Variants in MMS19 observed in about 807,000 individuals in gnomAD.
MMS19 encodes the protein MMS19 nucleotide excision repair protein homolog.
Under a neutral mutation model 129.8 loss-of-function variants are expected in MMS19, and 77 were observed. The observed-to-expected ratio is 0.59, with a 90% CI of 0.49 to 0.72. The LOEUF (loss-of-function observed/expected upper bound fraction) is 0.72, where lower values mean the gene tolerates loss of function less well. Ranked by LOEUF, MMS19 falls within the 30% of genes least tolerant of loss-of-function variation. The pLI is 0.00. For synonymous variants in MMS19, 491 were observed against 502.8 expected, an observed-to-expected ratio of 0.98 and a Z score of 0.31; for missense variants, 1,168 against 1,266.3, an observed-to-expected ratio of 0.92 and a Z score of 1.18.
intron 8 of MMS19, among the ~76,000 whole-genome samples, chr10:97,471,921 T>C (rs1373056870): frequency 6.6e-6 from 1 of 151,610 alleles, no homozygotes; most frequent in East Asian, 1.9e-4. Flanking sequence ...GGTCAGAAAA[T>C]CAGAGGTCCA....
chr10:97,484,940 G>A (rs1257765920), intron 1 of MMS19, among the ~76,000 whole-genome samples: 1 of 152,010 alleles, frequency 6.6e-6, no homozygotes, highest in Non-Finnish European at 1.5e-5. Context: ...CACTACCCCT[G>A]GCTAAGTATT....
intron 8 of MMS19, among the ~76,000 whole-genome samples, chr10:97,475,527 G>A (rs1055587267): frequency 3.3e-5 from 5 of 152,100 alleles, no homozygotes; most frequent in African/African-American, 1.2e-4. Context: ...ACGAAGTCAG[G>A]GGTTCAATAT....
At chr10:97,470,938 T>C in intron 8 of MMS19, 77 bp from the exon 9 acceptor site, 1 of 1,209,614 alleles carries the variant, frequency 8.3e-7, no homozygotes, top group Non-Finnish European at 1.2e-6. Flanking sequence ...CTGGTAACCC[T>C]GCAGAACAGG....
At chr10:97,462,492 AAGGAC>A (rs1443570946) in intron 20 of MMS19, 86 bp downstream of exon 20, 8 of 894,132 alleles carry the variant, frequency 8.9e-6, no homozygotes, top group Non-Finnish European at 1.5e-5. Context: ...ATATAGGTAA[AAGGAC>A]AGCTGACAAG....
intron 1 of MMS19, among the ~76,000 whole-genome samples, chr10:97,493,147 G>A (rs750735518): frequency 5.9e-5 from 9 of 151,946 alleles, no homozygotes; most frequent in Non-Finnish European, 1.0e-4. Context: ...AAGTGGCTGC[G>A]ACTACAGGCA....
chr10:97,486,862 C>CACATATATATATATATATATATAT (rs1491353044), intron 1 of MMS19, among the ~76,000 whole-genome samples: 1 of 85,080 alleles, frequency 1.2e-5, no homozygotes, highest in African/African-American at 4.1e-5. Context: ...ATTAAAGTGC[C>CACATATATATATATATATATATAT]ATATATATAT....
intron 1 of MMS19, among the ~76,000 whole-genome samples, chr10:97,493,302 T>G (rs1294301479): frequency 6.6e-6 from 1 of 152,144 alleles, no homozygotes; most frequent in African/African-American, 2.4e-5. Flanking sequence ...TGAACCACCA[T>G]GCCTAGCCCA....
In MMS19 at chr10:97,460,056, A is replaced by T; in HGVS notation, c.2646T>A (p.Ala882=). The change falls in exon 26 of 31, where the codon GCT becomes GCA. Residue 882 remains alanine (A), a synonymous_variant. Transcript: ENST00000438925. ...NVPALVQGFH[A]APQDVKPNYL... is the part of the protein sequence containing the mutation. ...TTTCAGACTCCTCACCTTGGGGAGCAGCATGGAAGCCCTGGACCAAAGCAG... is the reference window on the plus strand; with the variant it reads ...TTTCAGACTCCTCACCTTGGGGAGCTGCATGGAAGCCCTGGACCAAAGCAG... 1 of 1,613,682 alleles carries T rather than the reference A, an allele frequency of 6.2e-7. No homozygotes were observed. The highest frequency in any genetic ancestry group is 8.5e-7 in the Non-Finnish European group (1 of 1,179,614).
intron 1 of MMS19, among the ~76,000 whole-genome samples, chr10:97,491,491 C>T (rs2038879528): frequency 6.6e-6 from 1 of 151,820 alleles, no homozygotes; most frequent in African/African-American, 2.4e-5. Context: ...ATGGTGAAAC[C>T]CCATCTCTAC....
intron 8 of MMS19, among the ~76,000 whole-genome samples, chr10:97,475,178 T>C (rs1327055704): frequency 1.3e-5 from 2 of 151,884 alleles, no homozygotes; most frequent in South Asian, 2.1e-4. Flanking sequence ...CTCCAAGACA[T>C]AGTGTTCAGT....
chr10:97,460,857 C>T, intron 24 of MMS19, 50 bp downstream of exon 24: 1 of 1,535,424 alleles, frequency 6.5e-7, no homozygotes, highest in South Asian at 1.2e-5. Context: ...TTTTATTTAA[C>T]CAGACATAAT....
intron 1 of MMS19, among the ~76,000 whole-genome samples, chr10:97,494,870 T>C (rs553875480): frequency 9.9e-5 from 15 of 152,216 alleles, no homozygotes; most frequent in Non-Finnish European, 1.9e-4. Context: ...ACATTTCTCA[T>C]TGCATTCACT....
At position 97,460,982 on chromosome 10, in the gene MMS19, C is replaced by G. The variant is rs2031707395; in HGVS notation, c.2337G>C (p.Gln779His). Residue 779 changes from glutamine to histidine, a missense_variant, in exon 24 of 31, where the codon CAG becomes CAC. Physicochemically the swap from Gln to His is conservative, Grantham distance 24. Coordinates refer to ENST00000438925, the MANE Select transcript of MMS19 (RefSeq NM_022362.5). ...CAGCCTCCACTTTGTCCACAGCTAGCTGTAGGAATTCATCCAGCTGCTGCC... is the reference window on the plus strand; with the variant it reads ...CAGCCTCCACTTTGTCCACAGCTAGGTGTAGGAATTCATCCAGCTGCTGCC... ...PAGQQLDEFL[Q>H]LAVDKVEAGL... 6.4e-7 allele frequency: 1 copy of G among 1,567,556 alleles called. No individual in the cohort carries two copies. The highest frequency in any genetic ancestry group is 1.4e-5 in the African/African-American group (1 of 73,906).
At chr10:97,462,165 G>T in intron 20 of MMS19, 46 bp from the exon 21 acceptor site, 1 of 1,381,494 alleles carries the variant, frequency 7.2e-7, no homozygotes, top group Non-Finnish European at 1.0e-6. Flanking sequence ...GGATTCTAAA[G>T]CAGCCCTCTC....
chr10:97,462,642 ATCC>A lies in MMS19; in HGVS notation c.1950_1952del (p.Glu650del), dbSNP rs762715709. The A allele has an allele frequency of 5.6e-6, 9 of 1,613,424 alleles. No homozygotes were observed. The highest frequency in any genetic ancestry group is 7.6e-6 in the Non-Finnish European group (9 of 1,179,422). On this transcript the variant is annotated inframe_deletion, in exon 20 of 31. Coordinates refer to ENST00000438925, the MANE Select transcript of MMS19 (RefSeq NM_022362.5). ...CAGACACCATGGCAGCCAACACCTC[ATCC>A]TCCAATAGTACTTTTCTCAGAACTG... is the stretch of plus-strand genomic sequence containing the variant.
At chr10:97,468,170 A>G in intron 13 of MMS19, 82 bp downstream of exon 13, 1 of 1,399,486 alleles carries the variant, frequency 7.1e-7, no homozygotes, top group East Asian at 2.5e-5. Flanking sequence ...TGTTGGCCCA[A>G]GCTAAAACTT....
intron 1 of MMS19, among the ~76,000 whole-genome samples, chr10:97,486,180 TTTTG>T (rs766621100): frequency 5.6e-4 from 85 of 152,264 alleles, no homozygotes; most frequent in African/African-American, 1.1e-3. Flanking sequence ...ACTTGGTGTT[TTTTG>T]TTTGTTTGTT....
At chr10:97,498,163 A>G (rs1353109397) in intron 1 of MMS19, 110 bp downstream of exon 1, 8 of 1,037,666 alleles carry the variant, frequency 7.7e-6, no homozygotes, top group Non-Finnish European at 1.1e-5. Context: ...CAGCCTTGAG[A>G]CCAATCTCTC....
At chr10:97,464,692 T>A (rs977931447) in intron 18 of MMS19, among the ~76,000 whole-genome samples, 2 of 139,368 alleles carry the variant, frequency 1.4e-5, no homozygotes, top group Non-Finnish European at 3.1e-5. Context: ...ACCTAGGTAA[T>A]TTTTTTTTTT....
Sources: allele counts gnomAD v4.1 joint callset (sites outside exome capture counted in the v4.1 genomes callset), GRCh38; gene constraint gnomAD v4.1.1; transcripts MANE v1.5; gene names NCBI Gene and HGNC (gene_info 2026-07-23, HGNC 2026-07-21).